Variants in TMEM132D observed in about 807,000 individuals in gnomAD.
TMEM132D encodes the protein transmembrane protein 132D.
Under a neutral mutation model 62.3 loss-of-function variants are expected in TMEM132D, and 21 were observed. The ratio of observed to expected loss-of-function variants is 0.34; its 90% confidence interval spans 0.24 to 0.49. TMEM132D has a LOEUF of 0.49. Among genes scored for constraint, TMEM132D ranks in the 20% least tolerant of loss-of-function variants. The pLI is 0.99. For missense variants in TMEM132D, 1,346 were observed against 1,402.8 expected (o/e 0.96, Z 0.65); for synonymous variants, 621 against 575.6 (o/e 1.08, Z -1.13).
intron 2 of TMEM132D, among the ~76,000 whole-genome samples, chr12:129,558,535 G>A (rs1877125096): frequency 6.6e-6 from 1 of 152,178 alleles, no homozygotes; most frequent in Admixed American, 6.5e-5. Flanking sequence ...GGGAACGTGA[G>A]CAATCTCTGT....
At chr12:129,470,092 A>T (rs556910077) in intron 3 of TMEM132D, among the ~76,000 whole-genome samples, 49 of 152,326 alleles carry the variant, frequency 3.2e-4, no homozygotes, top group African/African-American at 1.1e-3. Context: ...ATCAATCTTT[A>T]TTCCTAGGCA....
At chr12:129,272,307 A>G (rs567901062) in intron 4 of TMEM132D, among the ~76,000 whole-genome samples, 1 of 151,948 alleles carries the variant, frequency 6.6e-6, no homozygotes, top group African/African-American at 2.4e-5. Context: ...GTGTGCATCA[A>G]ATCTGAGAAT....
At chr12:129,800,808 C>T (rs927411135) in intron 1 of TMEM132D, among the ~76,000 whole-genome samples, 25 of 152,100 alleles carry the variant, frequency 1.6e-4, no homozygotes, top group African/African-American at 6.0e-4. Context: ...AGGTACCGGG[C>T]TCATCTCACT....
At chr12:129,885,428 A>G (rs147019273) in intron 1 of TMEM132D, among the ~76,000 whole-genome samples, 62 of 152,338 alleles carry the variant, frequency 4.1e-4, no homozygotes, top group African/African-American at 1.5e-3. Flanking sequence ...TTGATTGCAT[A>G]TCAGAATCAC....
intron 3 of TMEM132D, among the ~76,000 whole-genome samples, chr12:129,456,545 C>G (rs765400982): frequency 6.6e-6 from 1 of 152,116 alleles, no homozygotes. Context: ...CCATGTGGCT[C>G]TCATGATGCA....
intron 2 of TMEM132D, among the ~76,000 whole-genome samples, chr12:129,637,241 A>T (rs1173606723): frequency 6.6e-6 from 1 of 152,204 alleles, no homozygotes; most frequent in African/African-American, 2.4e-5. Flanking sequence ...ATTCAAATCT[A>T]TACTTTGTCT....
chr12:129,861,625 G>A (rs1282122442), intron 1 of TMEM132D, among the ~76,000 whole-genome samples: 1 of 152,108 alleles, frequency 6.6e-6, no homozygotes, highest in Non-Finnish European at 1.5e-5. Flanking sequence ...GCCGGTCATG[G>A]TGGTGCACTC....
intron 1 of TMEM132D, among the ~76,000 whole-genome samples, chr12:129,800,867 A>C (rs7967390): frequency 6.6e-6 from 1 of 151,994 alleles, no homozygotes; most frequent in African/African-American, 2.4e-5. Flanking sequence ...CGCACCGTGC[A>C]CCAGCCGAAG....
At chr12:129,298,021 G>T (rs1019883948) in intron 4 of TMEM132D, among the ~76,000 whole-genome samples, 2 of 152,194 alleles carry the variant, frequency 1.3e-5, no homozygotes, top group Admixed American at 6.5e-5. Flanking sequence ...CACAATCTGG[G>T]TGGGGAGACA....
chr12:129,749,056 G>A (rs553657093), intron 1 of TMEM132D, among the ~76,000 whole-genome samples: 1 of 152,320 alleles, frequency 6.6e-6, no homozygotes, highest in Non-Finnish European at 1.5e-5. Flanking sequence ...AAGAAGGGTG[G>A]CAAAGGGATG....
intron 2 of TMEM132D, among the ~76,000 whole-genome samples, chr12:129,582,621 TTC>T (rs1283331239): frequency 2.5e-5 from 1 of 39,778 alleles, no homozygotes; most frequent in East Asian, 5.7e-4. Context: ...TTTTCTTTCT[TTC>T]TTTTTTTTTT....
intron 2 of TMEM132D, among the ~76,000 whole-genome samples, chr12:129,680,012 T>C (rs1463633704): frequency 6.6e-6 from 1 of 152,226 alleles, no homozygotes; most frequent in Non-Finnish European, 1.5e-5. Context: ...GTCCATGCTT[T>C]ATCTTGCAAA....
chr12:129,289,262 G>T (rs1218461358), intron 4 of TMEM132D, among the ~76,000 whole-genome samples: 4 of 152,148 alleles, frequency 2.6e-5, no homozygotes, highest in African/African-American at 9.7e-5. Flanking sequence ...TAACTGCCCT[G>T]GCCGGGCGCC....
At chr12:129,834,701 C>T (rs536568971) in intron 1 of TMEM132D, among the ~76,000 whole-genome samples, 1 of 152,272 alleles carries the variant, frequency 6.6e-6, no homozygotes, top group South Asian at 2.1e-4. Flanking sequence ...GCTCACAGTG[C>T]AGACCCACAA....
intron 3 of TMEM132D, among the ~76,000 whole-genome samples, chr12:129,436,884 TAA>T (rs1245115184): frequency 6.6e-6 from 1 of 152,182 alleles, no homozygotes; most frequent in Non-Finnish European, 1.5e-5. Flanking sequence ...GAATGAGATT[TAA>T]AAAGTCTTCA....
chr12:129,594,396 T>C (rs569429545), intron 2 of TMEM132D, among the ~76,000 whole-genome samples: 1 of 152,342 alleles, frequency 6.6e-6, no homozygotes, highest in Non-Finnish European at 1.5e-5. Flanking sequence ...GTTGTTTTCA[T>C]AGCTGCCAGG....
chr12:129,303,929 G>GTCCC (rs1395633679), intron 4 of TMEM132D, among the ~76,000 whole-genome samples: 2 of 152,176 alleles, frequency 1.3e-5, no homozygotes, highest in African/African-American at 4.8e-5. Context: ...CCCAGCTCAA[G>GTCCC]AAGACAGAGG....
At chr12:129,680,846 C>G (rs368387078) in intron 2 of TMEM132D, among the ~76,000 whole-genome samples, 1 of 152,134 alleles carries the variant, frequency 6.6e-6, no homozygotes, top group East Asian at 1.9e-4. Context: ...AGAGTAAGGT[C>G]TTCATGTAGG....
chr12:129,317,076 C>T (rs1868511192), intron 4 of TMEM132D, among the ~76,000 whole-genome samples: 1 of 152,016 alleles, frequency 6.6e-6, no homozygotes, highest in Admixed American at 6.6e-5. Context: ...TGGCTGGGTT[C>T]TTATGTATTC....
Sources: gnomAD v4.1 joint callset for allele counts (sites outside exome capture counted in the v4.1 genomes callset) on GRCh38, gnomAD v4.1.1 for gene constraint, MANE v1.5 for transcripts, NCBI Gene and HGNC (gene_info 2026-07-23, HGNC 2026-07-21) for gene names.